KRABD2: variants seen among roughly 807,000 people sequenced by gnomAD.
The protein encoded by KRABD2 is KRAB domain containing 2.
At chr17:8,364,496 G>A in the KRABD2 span, among the ~76,000 whole-genome samples, 1 of 152,206 alleles carries the variant, frequency 6.6e-6, no homozygotes, top group Admixed American at 6.5e-5. The surrounding 1 kb of genome is among the most constrained non-coding windows in gnomAD (Gnocchi z 4.4). Context: ...GGGATTACAG[G>A]TACATGGCAC....
the KRABD2 span, chr17:8,369,612 A>G: frequency 6.8e-6 from 11 of 1,614,098 alleles, no homozygotes; most frequent in Non-Finnish European, 9.3e-6. Context: ...CTCATGAACA[A>G]CCTGGTTTGT....
At chr17:8,362,909 T>C in the KRABD2 span, among the ~76,000 whole-genome samples, 1 of 152,234 alleles carries the variant, frequency 6.6e-6, no homozygotes, top group Non-Finnish European at 1.5e-5. The surrounding 1 kb of genome is among the most constrained non-coding windows in gnomAD (Gnocchi z 4.2). Context: ...CCACATATTA[T>C]TACTGTTTTG....
the KRABD2 span, chr17:8,371,439 C>T: frequency 1.2e-6 from 2 of 1,614,070 alleles, no homozygotes; most frequent in South Asian, 2.2e-5. Context: ...ACATTGGCTG[C>T]TGCCACAGGG....
chr17:8,370,266 AC>A, the KRABD2 span: 42 of 1,613,448 alleles, frequency 2.6e-5, no homozygotes, highest in African/African-American at 4.9e-4. Flanking sequence ...TAACTTTGTT[AC>A]ACTCATAAGA....
At chr17:8,371,364 T>C in the KRABD2 span, 2 of 1,614,108 alleles carry the variant, frequency 1.2e-6, no homozygotes, top group Admixed American at 1.7e-5. Flanking sequence ...AGCAATCCTT[T>C]TGAGAGCCTT....
chr17:8,363,908 G>A, the KRABD2 span, among the ~76,000 whole-genome samples: 1 of 136,748 alleles, frequency 7.3e-6, no homozygotes, highest in East Asian at 2.2e-4. Context: ...TTGCTCTGTT[G>A]CCCAGGCTGG....
At chr17:8,371,449 G>T in the KRABD2 span, 8 of 1,614,154 alleles carry the variant, frequency 5.0e-6, no homozygotes, top group Non-Finnish European at 6.8e-6. Flanking sequence ...CTGCCACAGG[G>T]ACCATATAGT....
the KRABD2 span, chr17:8,375,929 C>G: frequency 8.1e-7 from 1 of 1,229,826 alleles, no homozygotes; most frequent in African/African-American, 1.6e-5. Context: ...CTGTTTCCGA[C>G]TCGGAATGTC....
At chr17:8,370,162 T>G in the KRABD2 span, 1 of 1,613,684 alleles carries the variant, frequency 6.2e-7, no homozygotes, top group Non-Finnish European at 8.5e-7. Flanking sequence ...CGTGATGACT[T>G]CTTCCCTTTT....
chr17:8,361,212 G>C, the KRABD2 span, among the ~76,000 whole-genome samples: 4 of 152,216 alleles, frequency 2.6e-5, no homozygotes, highest in Non-Finnish European at 5.9e-5. Context: ...CATCTCGGAA[G>C]TGGGGACATG....
chr17:8,375,426 A>T, the KRABD2 span, among the ~76,000 whole-genome samples: 1 of 152,124 alleles, frequency 6.6e-6, no homozygotes, highest in African/African-American at 2.4e-5. Flanking sequence ...AGCTTGTCCA[A>T]CCTGTGGCCT....
the KRABD2 span, chr17:8,370,000 C>T: frequency 6.2e-7 from 1 of 1,614,160 alleles, no homozygotes; most frequent in Non-Finnish European, 8.5e-7. Flanking sequence ...CCACCATGTC[C>T]AATACTGAGA....
the KRABD2 span, among the ~76,000 whole-genome samples, chr17:8,372,435 G>A: frequency 1.3e-5 from 2 of 151,934 alleles, no homozygotes; most frequent in African/African-American, 2.4e-5. The surrounding 1 kb of genome is among the most constrained non-coding windows in gnomAD (Gnocchi z 4.1). Flanking sequence ...GGCCGGTCTC[G>A]AACTCCTGGG....
chr17:8,363,713 TTAA>T, the KRABD2 span, among the ~76,000 whole-genome samples: 1 of 150,972 alleles, frequency 6.6e-6, no homozygotes. Context: ...GCCAGATGTA[TTAA>T]TATTTTTCTC....
the KRABD2 span, among the ~76,000 whole-genome samples, chr17:8,367,585 C>A: frequency 6.7e-6 from 1 of 150,268 alleles, no homozygotes; most frequent in Admixed American, 6.6e-5. Context: ...ATTGCTTGAA[C>A]TGGGGAGGCA....
At chr17:8,375,701 C>CTT in the KRABD2 span, 662 of 146,830 alleles carry the variant, frequency 4.5e-3, 1 homozygote, top group African/African-American at 0.011. Flanking sequence ...TCTTTTCTTT[C>CTT]TTTTTTTTTT....
At chr17:8,375,040 T>C in the KRABD2 span, among the ~76,000 whole-genome samples, 1 of 151,412 alleles carries the variant, frequency 6.6e-6, no homozygotes, top group Non-Finnish European at 1.5e-5. Flanking sequence ...GAGACAGAGT[T>C]TTGCTCTGTC....
the KRABD2 span, chr17:8,369,156 G>A: frequency 9.9e-6 from 16 of 1,613,582 alleles, no homozygotes; most frequent in Non-Finnish European, 1.4e-5. Context: ...GAGACCGGAA[G>A]TCCCTTGTGA....
the KRABD2 span, among the ~76,000 whole-genome samples, chr17:8,363,829 A>ATATATATATATATATATATATATATAT: frequency 2.1e-5 from 1 of 47,886 alleles, no homozygotes; most frequent in Non-Finnish European, 3.8e-5. Context: ...TATATATCAT[A>ATATATATATATATATATATATATATAT]CATATATATA....
Sources: gnomAD v4.1 joint callset for allele counts (sites outside exome capture counted in the v4.1 genomes callset) on GRCh38, gnomAD v4.1.1 for gene constraint, Gnocchi (gnomAD v3.1) non-coding constraint, MANE v1.5 for transcripts, NCBI Gene and HGNC (gene_info 2026-07-23, HGNC 2026-07-21) for gene names.